The following INPP1 variants were observed in gnomAD, a reference collection of about 807,000 sequenced individuals.
INPP1 encodes inositol polyphosphate 1-phosphatase.
Under a neutral mutation model 23.0 loss-of-function variants are expected in INPP1, and 18 were observed. That is an observed-to-expected ratio of 0.78 (90% CI 0.54 to 1.16). INPP1 has a LOEUF of 1.16. INPP1 is among the 50% of genes most tolerant of loss of function. The pLI, the probability that INPP1 is intolerant of heterozygous loss-of-function variation, is 0.00. For missense variants in INPP1, 448 were observed against 482.1 expected (o/e 0.93, Z 0.66); for synonymous variants, 164 against 176.3 (o/e 0.93, Z 0.55).
At chr2:190,362,222 T>A (rs1208563383) in intron 3 of INPP1, among the ~76,000 whole-genome samples, 2 of 152,210 alleles carry the variant, frequency 1.3e-5, no homozygotes, top group Non-Finnish European at 2.9e-5. Flanking sequence ...GTCGTGCTTT[T>A]AGATACTTGA....
chr2:190,366,518 ACT>A (rs1689677459), intron 4 of INPP1, among the ~76,000 whole-genome samples, 175 bp from the exon 5 acceptor site: 1 of 69,890 alleles, frequency 1.4e-5, no homozygotes, highest in African/African-American at 5.8e-5. Flanking sequence ...TCTCTCTCTC[ACT>A]CTCTTGCTCT....
intron 2 of INPP1, among the ~76,000 whole-genome samples, chr2:190,358,116 G>A (rs1254212428): frequency 8.1e-6 from 1 of 123,336 alleles, no homozygotes; most frequent in Non-Finnish European, 1.6e-5. Flanking sequence ...GTCTTGCTCT[G>A]TCACCCAGGC....
At chr2:190,365,400 G>A (rs1689625036) in intron 4 of INPP1, among the ~76,000 whole-genome samples, 1 of 152,192 alleles carries the variant, frequency 6.6e-6, no homozygotes, top group Non-Finnish European at 1.5e-5. Flanking sequence ...GGAGGTAGAA[G>A]CACTTCGGTG....
Position 190,346,335 on chromosome 2 carries a change from C to T in INPP1, c.-209+2374C>T, listed in dbSNP as rs1033752297. Among the ~76,000 whole-genome samples the T allele has an allele frequency of 6.6e-5, 10 of 152,136 alleles. No homozygotes were observed. The highest frequency in any genetic ancestry group is 2.4e-4 in the African/African-American group (10 of 41,416). ...TAGTTGATAAAACTTATTAGGACTC[C>T]TGTACATAAAATGTTCATATATGGA... On this transcript the variant is annotated intron_variant, in intron 1 of 6. Coordinates refer to ENST00000392329, the MANE Select transcript of INPP1 (RefSeq NM_001128928.2). This position sits in a 1 kb window ranked among gnomAD's most constrained non-coding sequence, Gnocchi z 5.1.
At chr2:190,366,950 G>T in intron 5 of INPP1, 55 bp downstream of exon 5, 1 of 1,154,290 alleles carries the variant, frequency 8.7e-7, no homozygotes, top group Non-Finnish European at 1.3e-6. Context: ...TTGGTGGTGG[G>T]GTTGGGGATG....
intron 6 of INPP1, 29 bp from the exon 7 acceptor site, chr2:190,370,815 C>T (rs777481805): frequency 1.3e-6 from 2 of 1,503,468 alleles, no homozygotes; most frequent in South Asian, 2.5e-5. Context: ...ATGTGATAAT[C>T]ATCACCAATT....
rs572821813 is a variant in INPP1 at position 190,345,114 on chromosome 2, A to G, written c.-209+1153A>G. ...AATACAGATATTTGTTTCCATTCTTATGTAGAGCCTACTTTATTTTTAAGT... is the reference window on the plus strand; with the variant it reads ...AATACAGATATTTGTTTCCATTCTTGTGTAGAGCCTACTTTATTTTTAAGT... On this transcript the variant is annotated intron_variant, in intron 1 of 6. Transcript: ENST00000392329. This position sits in a 1 kb window ranked among gnomAD's most constrained non-coding sequence, Gnocchi z 4.9. Among the ~76,000 whole-genome samples, 4 of 152,250 alleles carry G rather than the reference A, an allele frequency of 2.6e-5. No homozygotes were observed. The highest frequency in any genetic ancestry group is 1.3e-4 in the Admixed American group (2 of 15,290).
At position 190,352,131 on chromosome 2, in the gene INPP1, C is replaced by T. The variant is rs74900390; in HGVS notation, c.-65+3100C>T. Among the ~76,000 whole-genome samples the T allele has an allele frequency of 3.4e-4, 51 of 152,190 alleles. No individual in the cohort carries two copies. The East Asian group carries it at 8.5e-3, about 25-fold the overall frequency. On this transcript the variant is annotated intron_variant, in intron 2 of 6. Transcript: ENST00000392329. The surrounding 1 kb of genome is among the most constrained non-coding windows in gnomAD (Gnocchi z 4.7). ...TGAAGTGCCTATTCAAGCTTCTTGC[C>T]CTTGAACTGATTCTGAGAAGGTGAG... is the stretch of plus-strand genomic sequence containing the variant.
In INPP1 at chr2:190,354,948, A is replaced by G. The variant is rs58781469; in HGVS notation, c.-64-5091A>G. On this transcript the variant is annotated intron_variant, in intron 2 of 6. Coordinates refer to ENST00000392329, the MANE Select transcript of INPP1 (RefSeq NM_001128928.2). This position sits in a 1 kb window ranked among gnomAD's most constrained non-coding sequence, Gnocchi z 4.8. ...GGGGTGTGTGTGTGTGTGTGTGTGC[A>G]TTTTTTTTTTTTTTGCTATATAATG... Among the ~76,000 whole-genome samples the G allele has an allele frequency of 7.0e-6, 1 of 142,612 alleles. No individual in the cohort carries two copies. 93.6% of individuals were successfully genotyped at this position (142,612 alleles called of 152,430 possible).
At chr2:190,362,504 G>A (rs973436698) in intron 3 of INPP1, 123 bp from the exon 4 acceptor site, 4 of 560,110 alleles carry the variant, frequency 7.1e-6, no homozygotes, top group African/African-American at 5.9e-5. Flanking sequence ...TCTAGAATTG[G>A]AAATTTTGGA....
At chr2:190,353,039 G>T (rs1689351548) in intron 2 of INPP1, among the ~76,000 whole-genome samples, 1 of 152,176 alleles carries the variant, frequency 6.6e-6, no homozygotes, top group Admixed American at 6.5e-5. Context: ...GCCGGAAGAG[G>T]GAAATGTCAA....
Position 190,354,249 on chromosome 2 carries a change from AAC to A in INPP1, c.-65+5221_-65+5222del, listed in dbSNP as rs1689375750. Among the ~76,000 whole-genome samples the A allele has an allele frequency of 6.6e-6, 1 of 152,234 alleles. No individual in the cohort carries two copies. The highest frequency in any genetic ancestry group is 2.4e-5 in the African/African-American group (1 of 41,462). On this transcript the variant is annotated intron_variant, in intron 2 of 6. Coordinates refer to ENST00000392329, the MANE Select transcript of INPP1 (RefSeq NM_001128928.2). This position sits in a 1 kb window ranked among gnomAD's most constrained non-coding sequence, Gnocchi z 4.8. ...TATTGACGACATAAATGGGGAGGAA[AAC>A]ACTATCCCATTTTCACTTTTGGCCA...
At chr2:190,369,788 A>G (rs969980242) in intron 6 of INPP1, among the ~76,000 whole-genome samples, 1 of 152,200 alleles carries the variant, frequency 6.6e-6, no homozygotes, top group African/African-American at 2.4e-5. Context: ...ATGCACTCTT[A>G]AACAGAGCGT....
chr2:190,367,990 C>T lies in INPP1; in HGVS notation c.466+1095C>T, dbSNP rs1354461726. Among the ~76,000 whole-genome samples, 1 of 152,142 alleles carries T rather than the reference C, an allele frequency of 6.6e-6. No individual in the cohort carries two copies. The highest frequency in any genetic ancestry group is 1.5e-5 in the Non-Finnish European group (1 of 68,018). On this transcript the variant is annotated intron_variant, in intron 5 of 6. Coordinates refer to ENST00000392329, the MANE Select transcript of INPP1 (RefSeq NM_001128928.2). This position sits in a 1 kb window ranked among gnomAD's most constrained non-coding sequence, Gnocchi z 4.1. ...GACCATTCAAGGACCAGGCAAACTC[C>T]TCTCTGGGCCCTTCCCATCCTACAA...
chr2:190,344,075 G>GT, intron 1 of INPP1, 114 bp downstream of exon 1: 1 of 307,384 alleles, frequency 3.3e-6, no homozygotes, highest in South Asian at 2.4e-5. Flanking sequence ...CTCTCCGCGG[G>GT]TAGGTGAGTC....
intron 4 of INPP1, among the ~76,000 whole-genome samples, chr2:190,364,751 C>T (rs567252423): frequency 6.6e-6 from 1 of 151,810 alleles, no homozygotes; most frequent in African/African-American, 2.4e-5. Context: ...AAGCTACCTG[C>T]CACCACGCCT....
intron 2 of INPP1, 64 bp from the exon 3 acceptor site, chr2:190,359,975 G>A: frequency 1.1e-6 from 1 of 888,696 alleles, no homozygotes; most frequent in Non-Finnish European, 1.7e-6. Context: ...TGTTAGTAGT[G>A]CCAGAGGCAC....
Position 190,370,887 on chromosome 2 carries a change from A to G in INPP1, c.685A>G (p.Asn229Asp). ...TTGGGGCCTTTCTTACATGGGGACC[A>G]ACATGCATTCACTACAGCTCACCAT... The part of the protein sequence containing the change: ...CYWGLSYMGT[N>D]MHSLQLTISR... Residue 229 changes from asparagine (N) to aspartate (D), a missense_variant, in exon 7 of 7, where the codon AAC becomes GAC. Physicochemically the swap from Asn to Asp is conservative, Grantham distance 23. Coordinates refer to ENST00000392329, the MANE Select transcript of INPP1 (RefSeq NM_001128928.2). 6.2e-7 allele frequency: 1 copy of G among 1,614,098 alleles called. No homozygotes were observed. The highest frequency in any genetic ancestry group is 8.5e-7 in the Non-Finnish European group (1 of 1,179,946).
At chr2:190,351,492 C>T (rs1486641958) in intron 2 of INPP1, among the ~76,000 whole-genome samples, 1 of 152,204 alleles carries the variant, frequency 6.6e-6, no homozygotes, top group Non-Finnish European at 1.5e-5. Context: ...AAGGACACCA[C>T]CATTGTGACT....
Sources: allele counts gnomAD v4.1 joint callset (sites outside exome capture counted in the v4.1 genomes callset), GRCh38; gene constraint gnomAD v4.1.1; non-coding constraint Gnocchi (gnomAD v3.1); transcripts MANE v1.5; gene names NCBI Gene and HGNC (gene_info 2026-07-23, HGNC 2026-07-21).